GABRQ: variants seen among roughly 807,000 people sequenced by gnomAD.
GABRQ encodes the protein gamma-aminobutyric acid receptor subunit theta.
In GABRQ, 19 loss-of-function variants were observed where a neutral mutation model predicts 30.5. The observed-to-expected ratio is 0.62, with a 90% CI of 0.43 to 0.91. The LOEUF is 0.91. Among genes scored for constraint, GABRQ ranks in the 40% least tolerant of loss-of-function variants. GABRQ has a pLI of 0.00. For missense variants in GABRQ, 520 were observed against 521.4 expected (o/e 1.00, Z 0.03); for synonymous variants, 187 against 210.2 (o/e 0.89, Z 0.95).
At chrX:152,644,277 C>T (rs1438230484) in intron 2 of GABRQ, among the ~76,000 whole-genome samples, 3 of 112,314 alleles carry the variant, frequency 2.7e-5, no homozygotes, top group African/African-American at 9.7e-5. Flanking sequence ...CACATACACA[C>T]ATAAACATAA....
chrX:152,638,631 C>T (rs1204172967), intron 1 of GABRQ, among the ~76,000 whole-genome samples: 1 of 112,042 alleles, frequency 8.9e-6, no homozygotes, highest in Non-Finnish European at 1.9e-5. Flanking sequence ...GGGGTGGGGG[C>T]GGGGGTCGCC....
At chrX:152,638,811 G>T (rs1314837778) in intron 1 of GABRQ, among the ~76,000 whole-genome samples, 1 of 110,893 alleles carries the variant, frequency 9.0e-6, no homozygotes, top group Non-Finnish European at 1.9e-5. Flanking sequence ...ATTTCCTGAG[G>T]CGCGCGCGCG....
Position 152,653,228 on chromosome X carries a change from C to T in GABRQ, c.1846C>T (p.Pro616Ser). ...KVDKWSRFLF[P>S]LAFGLFNIVY... ...CGACAAGTGGTCCCGGTTCCTCTTC[C>T]CTCTGGCCTTTGGGTTGTTCAACAT... The change falls in exon 9 of 9, where the codon CCT (proline) becomes TCT (serine). Residue 616 changes from proline (P) to serine (S), a missense_variant. Physicochemically the swap from Pro to Ser is moderately conservative, Grantham distance 74. Coordinates refer to ENST00000598523, the MANE Select transcript of GABRQ (RefSeq NM_018558.4). The T allele has an allele frequency of 4.1e-6, 5 of 1,206,772 alleles. No homozygotes were observed. Among genetic ancestry groups the T allele is most frequent in the Non-Finnish European group, 5.6e-6 (5 of 890,905 alleles).
chrX:152,646,270 G>A (rs1373408270), intron 3 of GABRQ, among the ~76,000 whole-genome samples: 1 of 112,046 alleles, frequency 8.9e-6, no homozygotes, highest in Non-Finnish European at 1.9e-5. Context: ...AAAGTCCAAA[G>A]TCAGACAATA....
In GABRQ at chrX:152,649,958, G is replaced by A. The variant is rs1050768919; in HGVS notation, c.748+79G>A. The A allele has an allele frequency of 3.7e-5, 30 of 813,364 alleles. No individual in the cohort carries two copies. In the African/African-American group the frequency reaches 5.7e-4, roughly 16 times the overall value. The allele number at this position is 813,364 out of a possible 1,213,427, so 67.0% of individuals were successfully genotyped here. ...AAACTCCTAGCGGCCTCTGATTTTG[G>A]CTCCTATTCTCTGGTGCCTCCTTTT... On this transcript the variant is annotated intron_variant, in intron 6 of 8. Transcript: ENST00000598523.
intron 4 of GABRQ, among the ~76,000 whole-genome samples, chrX:152,648,651 G>A (rs782309521): frequency 4.5e-5 from 5 of 111,674 alleles, no homozygotes; most frequent in South Asian, 7.5e-4. Flanking sequence ...GTGAGCCACC[G>A]CGCCCGGCCG....
chrX:152,645,110 CACTT>C (rs1406669019), intron 2 of GABRQ, among the ~76,000 whole-genome samples: 1 of 106,012 alleles, frequency 9.4e-6, no homozygotes, highest in African/African-American at 3.3e-5. Context: ...CTCACACAAT[CACTT>C]ACACACAGAC....
intron 4 of GABRQ, among the ~76,000 whole-genome samples, chrX:152,648,094 G>A (rs1396883003): frequency 8.9e-6 from 1 of 112,041 alleles, no homozygotes; most frequent in Non-Finnish European, 1.9e-5. Context: ...ATGCTGCATG[G>A]AGGATTCATA....
At position 152,649,939 on chromosome X, in the gene GABRQ, C is replaced by T. The variant is rs1188077452; in HGVS notation, c.748+60C>T. 9 of 942,817 alleles carry T rather than the reference C, an allele frequency of 9.5e-6. No homozygotes were observed. In the African/African-American group the frequency reaches 1.5e-4, roughly 16 times the overall value. The allele number at this position is 942,817 out of a possible 1,213,427, so 77.7% of individuals were successfully genotyped here. On this transcript the variant is annotated intron_variant, in intron 6 of 8. Transcript: ENST00000598523. ...GTCTGCCTTGCACCTCCATAAACTCCTAGCGGCCTCTGATTTTGGCTCCTA... is the reference window on the plus strand; with the variant it reads ...GTCTGCCTTGCACCTCCATAAACTCTTAGCGGCCTCTGATTTTGGCTCCTA...
chrX:152,649,432 G>A, intron 5 of GABRQ, 99 bp downstream of exon 5: 1 of 544,337 alleles, frequency 1.8e-6, no homozygotes, highest in Non-Finnish European at 3.3e-6. Flanking sequence ...TGTATCTCCT[G>A]TGCTCCCTCC....
rs782546249 is a variant in GABRQ, at chrX:152,649,893, C to T, written c.748+14C>T. 7 of 1,169,730 alleles carry T rather than the reference C, an allele frequency of 6.0e-6. No homozygotes were observed. In the South Asian group the frequency reaches 1.3e-4, roughly 21 times the overall value. Reference sequence around the variant, plus strand: ...ATTTCTACACAGGTGGGTCTGACCCCTTCCTTCTCTCCTGTCTCATGTCTG... The same window carrying T: ...ATTTCTACACAGGTGGGTCTGACCCTTTCCTTCTCTCCTGTCTCATGTCTG... On this transcript the variant is annotated intron_variant, in intron 6 of 8. Coordinates refer to ENST00000598523, the MANE Select transcript of GABRQ (RefSeq NM_018558.4).
chrX:152,657,909 A>G (rs1199133284), downstream of GABRQ, among the ~76,000 whole-genome samples: 4 of 112,377 alleles, frequency 3.6e-5, no homozygotes, highest in Non-Finnish European at 7.5e-5. Context: ...TAATCGTGCC[A>G]CTGCACTCCA....
At chrX:152,645,890 A>G (rs1352436172) in intron 3 of GABRQ, among the ~76,000 whole-genome samples, 2 of 112,587 alleles carry the variant, frequency 1.8e-5, no homozygotes, top group Non-Finnish European at 3.7e-5. Context: ...ATTTCTTTAA[A>G]AAGACACAGA....
chrX:152,645,938 C>T (rs1386683342), intron 3 of GABRQ, among the ~76,000 whole-genome samples: 2 of 112,526 alleles, frequency 1.8e-5, no homozygotes, highest in Non-Finnish European at 3.7e-5. Context: ...GTACCTTCAA[C>T]TATATTGAAA....
At chrX:152,645,214 C>T (rs1279403532) in intron 2 of GABRQ, among the ~76,000 whole-genome samples, 1 of 112,374 alleles carries the variant, frequency 8.9e-6, no homozygotes, top group African/African-American at 3.2e-5. Flanking sequence ...CTTTGGGGCT[C>T]GTTGCTTTTC....
At chrX:152,652,504 T>C (rs782453694) in intron 8 of GABRQ, 37 bp from the exon 9 acceptor site, 2 of 1,148,678 alleles carry the variant, frequency 1.7e-6, no homozygotes, top group Non-Finnish European at 2.3e-6. Context: ...ATCTAGGCGA[T>C]ATGAAACTGA....
rs201402051 is a variant in GABRQ, at chrX:152,649,337, C to T, written c.610+4C>T. On this transcript the variant is annotated splice_donor_region_variant and intron_variant, in intron 5 of 8. Coordinates refer to ENST00000598523, the MANE Select transcript of GABRQ (RefSeq NM_018558.4). The stretch of plus-strand genomic sequence containing the variant: ...TGCAACCTGGTGGTAGAGAGCTGTA[C>T]GTATGTCTCCTATGGCCCCTTCTTC... The T allele has an allele frequency of 1.1e-5, 12 of 1,059,363 alleles. No individual in the cohort carries two copies. The African/African-American group carries it at 1.5e-4, about 13-fold the overall frequency. The allele number at this position is 1,059,363 out of a possible 1,213,427, so 87.3% of individuals were successfully genotyped here. A position where few individuals can be genotyped will look rare whatever the true frequency, so the allele number is the denominator to read the frequency against.
At chrX:152,652,165 C>T (rs782594440) in intron 8 of GABRQ, among the ~76,000 whole-genome samples, 1 of 112,894 alleles carries the variant, frequency 8.9e-6, no homozygotes, top group Non-Finnish European at 1.9e-5. Flanking sequence ...GCACTTCAGA[C>T]TCCCAAGGCA....
chrX:152,657,710 G>T (rs73244120), downstream of GABRQ, among the ~76,000 whole-genome samples: 1 of 112,119 alleles, frequency 8.9e-6, no homozygotes, highest in South Asian at 3.7e-4. Context: ...TTTTCAAGCC[G>T]AGGGGAATTA....
Sources: gnomAD v4.1 joint callset for allele counts (sites outside exome capture counted in the v4.1 genomes callset) on GRCh38, gnomAD v4.1.1 for gene constraint, MANE v1.5 for transcripts, NCBI Gene and HGNC (gene_info 2026-07-23, HGNC 2026-07-21) for gene names.